The following FGF14 variants were observed in gnomAD, a reference collection of about 807,000 sequenced individuals.
The protein encoded by FGF14 is fibroblast growth factor homologous factor 4.
In FGF14, 5 loss-of-function variants were observed where a neutral mutation model predicts 25.5. The ratio of observed to expected loss-of-function variants is 0.20; its 90% confidence interval spans 0.10 to 0.41. The LOEUF is 0.41. Ranked by LOEUF, FGF14 falls within the 10% of genes least tolerant of loss-of-function variation. FGF14 has a pLI of 1.00. For synonymous variants in FGF14, 138 were observed against 118.3 expected, an observed-to-expected ratio of 1.17 and a Z score of -1.08; for missense variants, 222 against 320.1, an observed-to-expected ratio of 0.69 and a Z score of 2.34.
intron 1 of FGF14, among the ~76,000 whole-genome samples, chr13:102,037,733 A>C (rs1320917412): frequency 6.6e-6 from 1 of 152,212 alleles, no homozygotes; most frequent in Non-Finnish European, 1.5e-5. Flanking sequence ...ACATTTATTA[A>C]AGAAAATCAG....
chr13:102,157,930 T>C (rs2047425683), intron 1 of FGF14, among the ~76,000 whole-genome samples: 1 of 152,216 alleles, frequency 6.6e-6, no homozygotes, highest in African/African-American at 2.4e-5. Flanking sequence ...ATGCTCATCA[T>C]CACTGGCCAT....
At chr13:102,275,234 T>TCTCTCTCTC (rs2053454109) in intron 1 of FGF14, among the ~76,000 whole-genome samples, 1 of 67,446 alleles carries the variant, frequency 1.5e-5, no homozygotes, top group Non-Finnish European at 3.0e-5. Flanking sequence ...TTAGGCAGAT[T>TCTCTCTCTC]TCTCTCTCTC....
chr13:101,849,392 A>G (rs1191121141), intron 3 of FGF14, among the ~76,000 whole-genome samples: 1 of 152,030 alleles, frequency 6.6e-6, no homozygotes, highest in Non-Finnish European at 1.5e-5. Flanking sequence ...TTAACTCCCT[A>G]GTTGTCTACC....
chr13:101,772,311 G>A (rs528267988), intron 3 of FGF14, among the ~76,000 whole-genome samples: 21 of 152,130 alleles, frequency 1.4e-4, no homozygotes, highest in Non-Finnish European at 3.1e-4. Flanking sequence ...AAGCCACCAC[G>A]GGGTTTCATA....
chr13:101,736,952 T>C (rs1201153786), intron 3 of FGF14, among the ~76,000 whole-genome samples: 1 of 142,050 alleles, frequency 7.0e-6, no homozygotes, highest in Non-Finnish European at 1.6e-5. Context: ...AACCACAAGA[T>C]TTTTTAAGAT....
intron 1 of FGF14, among the ~76,000 whole-genome samples, chr13:101,910,746 A>T (rs2032831442): frequency 4.0e-5 from 6 of 151,894 alleles, no homozygotes; most frequent in Admixed American, 3.9e-4. Flanking sequence ...ATAGACCAAA[A>T]CTATGAAATT....
Position 102,012,153 on chromosome 13 carries a change from G to A in FGF14, c.209-136857C>T, listed in dbSNP as rs190430813. Among the ~76,000 whole-genome samples the A allele has an allele frequency of 3.0e-4, 45 of 152,138 alleles. No individual in the cohort carries two copies. The East Asian group carries it at 8.3e-3, about 28-fold the overall frequency. Reference sequence around the variant, plus strand: ...ACTTTAAATATAAACTAATCAATTTGCCGATCCAGTGACCTGAAAATGCCT... The same window carrying A: ...ACTTTAAATATAAACTAATCAATTTACCGATCCAGTGACCTGAAAATGCCT... On this transcript the variant is annotated intron_variant, in intron 1 of 4. Transcript: ENST00000376131.
intron 3 of FGF14, among the ~76,000 whole-genome samples, chr13:101,814,294 C>G (rs780995689): frequency 1.3e-5 from 2 of 151,698 alleles, no homozygotes; most frequent in Non-Finnish European, 2.9e-5. Flanking sequence ...AACACTGGAG[C>G]TGAAAAAAAA....
At position 102,324,921 on chromosome 13, in the gene FGF14, G is replaced by GT. The variant is rs540623295; in HGVS notation, c.208+76549dup. Reference sequence around the variant, plus strand: ...GCCTGCTAACCATTAATTGATATTTGTTTTTTTTTGATAATTTTGCAAATG... The same window carrying GT: ...GCCTGCTAACCATTAATTGATATTTGTTTTTTTTTTGATAATTTTGCAAATG... On this transcript the variant is annotated intron_variant, in intron 1 of 4. Transcript: ENST00000376131. 1.2e-3 allele frequency among the ~76,000 whole-genome samples: 181 copies of GT among 150,102 alleles called. 1 individual carries two copies. The highest frequency in any genetic ancestry group is 2.9e-3 in the African/African-American group (117 of 40,794).
In FGF14 at chr13:102,308,119, C is replaced by T. The variant is rs117080191; in HGVS notation, c.208+93352G>A. Among the ~76,000 whole-genome samples the T allele has an allele frequency of 9.2e-3, 1,400 of 152,230 alleles. 12 individuals carry two copies. The highest frequency in any genetic ancestry group is 0.015 in the Non-Finnish European group (1,028 of 68,008). Reference sequence around the variant, plus strand: ...TGTGGCTACCTGAAGATGTCCTTTCCCTAAGAACCTTCAGAAGACTATTTC... The same window carrying T: ...TGTGGCTACCTGAAGATGTCCTTTCTCTAAGAACCTTCAGAAGACTATTTC... On this transcript the variant is annotated intron_variant, in intron 1 of 4. Coordinates refer to the FGF14 transcript ENST00000376131.
intron 1 of FGF14, among the ~76,000 whole-genome samples, chr13:102,355,525 G>C (rs553225969): frequency 6.3e-4 from 95 of 150,544 alleles, no homozygotes; most frequent in African/African-American, 2.2e-3. Flanking sequence ...GACACAGTAG[G>C]AATGTTTGCC....
intron 1 of FGF14, among the ~76,000 whole-genome samples, chr13:102,300,629 C>T (rs1236071501): frequency 1.3e-5 from 2 of 152,042 alleles, no homozygotes; most frequent in South Asian, 4.2e-4. Flanking sequence ...AATTTACAAC[C>T]CCATCAGATT....
At chr13:102,281,445 TCA>T (rs2053828518) in intron 1 of FGF14, among the ~76,000 whole-genome samples, 1 of 152,218 alleles carries the variant, frequency 6.6e-6, no homozygotes, top group African/African-American at 2.4e-5. Flanking sequence ...ATCTCCCTCC[TCA>T]CAGTTATCCA....
chr13:102,326,754 AGAGGGAGGG>A (rs1566939237), intron 1 of FGF14, among the ~76,000 whole-genome samples: 4 of 76,824 alleles, frequency 5.2e-5, no homozygotes, highest in East Asian at 6.7e-4. Flanking sequence ...AAGGAAGGAA[AGAGGGAGGG>A]AAGGAAGGAA....
chr13:102,105,887 T>TG (rs2044883300), intron 1 of FGF14, among the ~76,000 whole-genome samples: 1 of 152,216 alleles, frequency 6.6e-6, no homozygotes, highest in African/African-American at 2.4e-5. Flanking sequence ...AATGGCATTA[T>TG]CTATTAATTA....
At chr13:102,022,420 T>C (rs915822842) in intron 1 of FGF14, among the ~76,000 whole-genome samples, 1 of 152,082 alleles carries the variant, frequency 6.6e-6, no homozygotes, top group Non-Finnish European at 1.5e-5. Flanking sequence ...AAGGAATCAT[T>C]GAGATGACAA....
chr13:101,758,080 A>G (rs2037776172), intron 3 of FGF14, among the ~76,000 whole-genome samples: 1 of 152,230 alleles, frequency 6.6e-6, no homozygotes, highest in African/African-American at 2.4e-5. Flanking sequence ...AAACAATTAG[A>G]AAATAAGAGC....
chr13:101,823,019 T>C (rs532219678), intron 3 of FGF14, among the ~76,000 whole-genome samples: 118 of 152,354 alleles, frequency 7.7e-4, no homozygotes, highest in Admixed American at 2.2e-3. Context: ...CTTAGTATAA[T>C]GTAGCATATG....
chr13:102,085,182 C>G (rs1301846173), intron 1 of FGF14, among the ~76,000 whole-genome samples: 1 of 151,006 alleles, frequency 6.6e-6, no homozygotes, highest in Non-Finnish European at 1.5e-5. Context: ...TCTATTTAGA[C>G]TAAAGCTAAG....
Sources: allele counts gnomAD v4.1 joint callset (sites outside exome capture counted in the v4.1 genomes callset), GRCh38; gene constraint gnomAD v4.1.1; transcripts MANE v1.5; gene names NCBI Gene and HGNC (gene_info 2026-07-23, HGNC 2026-07-21).